Variants in CRB2 observed in about 807,000 individuals in gnomAD.
The protein encoded by CRB2 is crumbs cell polarity complex component 2, also known as protein crumbs homolog 2.
In CRB2, 85 loss-of-function variants were observed where a neutral mutation model predicts 110.9. The observed-to-expected ratio is 0.77, with a 90% CI of 0.64 to 0.92. The LOEUF is 0.92. CRB2 is among the 40% of genes least tolerant of loss of function. CRB2 has a pLI of 0.00. For synonymous variants in CRB2, 907 were observed against 831.0 expected (o/e 1.09, Z -1.57); for missense variants, 1,843 against 1,851.3 (o/e 1.00, Z 0.08).
chr9:123,355,283 C>T (rs1015467192), upstream of CRB2, among the ~76,000 whole-genome samples: 1 of 152,110 alleles, frequency 6.6e-6, no homozygotes, highest in Non-Finnish European at 1.5e-5. Flanking sequence ...CAGCAGGAGA[C>T]TATAAGGTTA....
At chr9:123,375,816 C>T (rs1014757106) in intron 12 of CRB2, among the ~76,000 whole-genome samples, 4 of 152,022 alleles carry the variant, frequency 2.6e-5, no homozygotes, top group South Asian at 2.1e-4. Flanking sequence ...GCCCCAACCC[C>T]GGGTGGCTCA....
rs1471075850 is a variant in CRB2 at position 123,371,581 on chromosome 9, A to G, written c.2436+3A>G. On this transcript the variant is annotated splice_donor_region_variant and intron_variant, in intron 8 of 12. Coordinates refer to ENST00000373631, the MANE Select transcript of CRB2 (RefSeq NM_173689.7). ...GCGTCTCCGAGGACATGTGCAGTGT[A>G]AGTGTCTGGTGGCGGTGGTGGTGGT... 1.2e-6 allele frequency: 2 copies of G among 1,612,248 alleles called. No individual in the cohort carries two copies. The highest frequency in any genetic ancestry group is 1.7e-6 in the Non-Finnish European group (2 of 1,179,998).
In CRB2 at chr9:123,371,338, C is replaced by T. The variant is rs888666441; in HGVS notation, c.2196C>T (p.Ser732=). 1.2e-6 allele frequency: 2 copies of T among 1,606,826 alleles called. No homozygotes were observed. The change falls in exon 8 of 13, where the codon AGC becomes AGT. Residue 732 remains serine, a synonymous_variant. Transcript: ENST00000373631. ...GGCTCCGTCACCTGGTGATGCTCAG[C>T]TTCGGGCCTGACCAGCTGCAGGACC... ...DDGLRHLVML[S]FGPDQLQDLG... is the part of the protein sequence containing the mutation.
chr9:123,373,651 C>T lies in CRB2; in HGVS notation c.3120C>T (p.His1040=), dbSNP rs757467671. The T allele has an allele frequency of 7.0e-7, 1 of 1,419,022 alleles. No individual in the cohort carries two copies. The highest frequency in any genetic ancestry group is 3.1e-5 in the East Asian group (1 of 32,772). 87.9% of individuals were successfully genotyped at this position (1,419,022 alleles called of 1,614,324 possible). The change falls in exon 10 of 13, where the codon CAC becomes CAT. Residue 1040 remains histidine (H), a synonymous_variant. Transcript: ENST00000373631. ...RPGAAPGARE[H]FASWPGTPAP... is the part of the protein sequence containing the mutation. ...GCGCGGCCCCTGGCGCCCGAGAGCA[C>T]TTCGCGTCTTGGCCTGGGACGCCGG... is the stretch of plus-strand genomic sequence containing the variant.
chr9:123,357,184 C>G (rs2041809655), intron 1 of CRB2, among the ~76,000 whole-genome samples: 2 of 152,112 alleles, frequency 1.3e-5, no homozygotes, highest in South Asian at 4.1e-4. Flanking sequence ...CTCCCTGAAG[C>G]CAGACCACAT....
At chr9:123,375,472 AG>A in intron 12 of CRB2, 129 bp downstream of exon 12, 1 of 1,117,294 alleles carries the variant, frequency 9.0e-7, no homozygotes. Context: ...GGGCAGTGAG[AG>A]GAGCCTCAGG....
upstream of CRB2, chr9:123,356,033 C>T (rs535689109): frequency 4.9e-6 from 2 of 405,246 alleles, no homozygotes; most frequent in Non-Finnish European, 8.7e-6. Flanking sequence ...AGGTCAGCCC[C>T]ACAGGCTAGG....
At position 123,375,320 on chromosome 9, in the gene CRB2, T is replaced by C; in HGVS notation, c.3610T>C (p.Ser1204Pro). The C allele has an allele frequency of 1.2e-6, 2 of 1,603,402 alleles. No individual in the cohort carries two copies. Among genetic ancestry groups the C allele is most frequent in the Non-Finnish European group, 1.7e-6 (2 of 1,174,150 alleles). Residue 1204 changes from serine to proline, a missense_variant, in exon 12 of 13, where the codon TCC becomes CCC. Physicochemically the swap from Ser to Pro is moderately conservative, Grantham distance 74. Coordinates refer to ENST00000373631, the MANE Select transcript of CRB2 (RefSeq NM_173689.7). ...TGAATGTATCTGCAATGCCAGATTCTCCGGCCAGTTCTGTGAAGTGGCGGT... is the reference window on the plus strand; with the variant it reads ...TGAATGTATCTGCAATGCCAGATTCCCCGGCCAGTTCTGTGAAGTGGCGGT... ...VSECICNARF[S>P]GQFCEVAKGL... is the part of the protein sequence containing the mutation.
At position 123,367,154 on chromosome 9, in the gene CRB2, G is replaced by T. The variant is rs775440107; in HGVS notation, c.755-18G>T. 3 of 1,566,672 alleles carry T rather than the reference G, an allele frequency of 1.9e-6. No individual in the cohort carries two copies. The highest frequency in any genetic ancestry group is 2.3e-5 in the South Asian group (2 of 85,616). On this transcript the variant is annotated intron_variant, in intron 4 of 12. Transcript: ENST00000373631. The stretch of plus-strand genomic sequence containing the variant: ...GGCAACCCCGTGAGACCTGATGTCC[G>T]CGTGTGTGTGCCCCCAGGCTACAGC...
At position 123,371,404 on chromosome 9, in the gene CRB2, C is replaced by T. The variant is rs780182853; in HGVS notation, c.2262C>T (p.Ala754=). Residue 754 remains alanine (A), a synonymous_variant, in exon 8 of 13, where the codon GCC becomes GCT. Coordinates refer to ENST00000373631, the MANE Select transcript of CRB2 (RefSeq NM_173689.7). ...ACGTGGGTGGGAGGCTCCTTGCTGC[C>T]GACAGCCAGCCCTGGGGTGGGCCCT... The part of the protein sequence containing the change: ...HVHVGGRLLA[A]DSQPWGGPFR... 30 of 1,609,542 alleles carry T rather than the reference C, an allele frequency of 1.9e-5. No individual in the cohort carries two copies. Among genetic ancestry groups the T allele is most frequent in the Admixed American group, 6.7e-5 (4 of 59,896 alleles).
intron 2 of CRB2, 109 bp from the exon 3 acceptor site, chr9:123,365,808 T>G: frequency 1.1e-6 from 1 of 892,680 alleles, no homozygotes; most frequent in Non-Finnish European, 1.6e-6. Context: ...CATCCGGCTC[T>G]GAATGAATGA....
chr9:123,355,453 G>T (rs985289648), upstream of CRB2, among the ~76,000 whole-genome samples: 7 of 151,806 alleles, frequency 4.6e-5, no homozygotes, highest in African/African-American at 1.7e-4. Flanking sequence ...GAAAGGTTCA[G>T]TTTGGCTGGT....
chr9:123,372,931 C>A (rs1444889063), intron 9 of CRB2, among the ~76,000 whole-genome samples: 1 of 152,196 alleles, frequency 6.6e-6, no homozygotes, highest in Non-Finnish European at 1.5e-5. Context: ...TGGCCGGGAA[C>A]TGCTCCTCCA....
At position 123,377,040 on chromosome 9, in the gene CRB2, C is replaced by A; in HGVS notation, c.3836C>A (p.Pro1279Gln). The change falls in exon 13 of 13, where the codon CCA becomes CAA. Residue 1279 changes from proline to glutamine, a missense_variant. Transcript: ENST00000373631. ...GAGATGGACAGTGTCCTCAAGGTGC[C>A]ACCGGAGGAGAGACTCATCTAGGCC... is the stretch of plus-strand genomic sequence containing the variant. Reference protein sequence around the residue: ...RLEMDSVLKVPPEERLI With the variant: ...RLEMDSVLKVQPEERLI 1 of 1,593,000 alleles carries A rather than the reference C, an allele frequency of 6.3e-7. No individual in the cohort carries two copies. The highest frequency in any genetic ancestry group is 8.6e-7 in the Non-Finnish European group (1 of 1,168,990).
At chr9:123,362,486 C>G (rs2041879707) in intron 1 of CRB2, among the ~76,000 whole-genome samples, 1 of 152,214 alleles carries the variant, frequency 6.6e-6, no homozygotes, top group African/African-American at 2.4e-5. Context: ...CAAGCCTTCA[C>G]TTTCTTTCCT....
intron 12 of CRB2, among the ~76,000 whole-genome samples, chr9:123,375,866 G>A (rs1052538155): frequency 1.3e-5 from 2 of 152,136 alleles, no homozygotes; most frequent in Non-Finnish European, 2.9e-5. Context: ...AGCAGGCGCT[G>A]GAGCTGTGAA....
intron 4 of CRB2, among the ~76,000 whole-genome samples, chr9:123,366,779 C>T (rs942021453): frequency 3.3e-5 from 5 of 151,940 alleles, no homozygotes; most frequent in Admixed American, 2.0e-4. Context: ...TGTGAAACCC[C>T]ATCTCTACTA....
chr9:123,369,304 C>T (rs1031337880), intron 6 of CRB2, among the ~76,000 whole-genome samples: 2 of 152,170 alleles, frequency 1.3e-5, no homozygotes, highest in African/African-American at 2.4e-5. Context: ...TCACTCTGTC[C>T]ATAAAAGCCA....
At chr9:123,361,048 C>A (rs1392564379) in intron 1 of CRB2, among the ~76,000 whole-genome samples, 1 of 152,022 alleles carries the variant, frequency 6.6e-6, no homozygotes, top group East Asian at 1.9e-4. Context: ...CTCCCCCGCC[C>A]CCCAGGATCC....
Sources: gnomAD v4.1 joint callset for allele counts (sites outside exome capture counted in the v4.1 genomes callset) on GRCh38, gnomAD v4.1.1 for gene constraint, MANE v1.5 for transcripts, NCBI Gene and HGNC (gene_info 2026-07-23, HGNC 2026-07-21) for gene names.